The following DMD variants were observed in gnomAD, a reference collection of about 807,000 sequenced individuals.
The protein encoded by DMD is dystrophin.
Under a neutral mutation model 330.1 loss-of-function variants are expected in DMD, and 63 were observed. That is an observed-to-expected ratio of 0.19 (90% CI 0.16 to 0.24). DMD has a LOEUF of 0.24. DMD is among the 10% of genes least tolerant of loss of function. The probability of loss-of-function intolerance (pLI) is 1.00; values close to 1 mark genes in which losing one functional copy is unlikely to be tolerated. For missense variants in DMD, 3,344 were observed against 2,684.1 expected (o/e 1.25, Z -5.43); for synonymous variants, 1,223 against 959.8 (o/e 1.27, Z -5.07).
intron 2 of DMD, among the ~76,000 whole-genome samples, chrX:32,876,058 A>G (rs1023932837): frequency 1.8e-5 from 2 of 111,760 alleles, no homozygotes; most frequent in Admixed American, 1.9e-4. Flanking sequence ...AGATCCAGAC[A>G]TATTTTCCGG....
At chrX:32,925,541 G>T (rs1170744229) in intron 2 of DMD, among the ~76,000 whole-genome samples, 1 of 110,949 alleles carries the variant, frequency 9.0e-6, no homozygotes, top group Non-Finnish European at 1.9e-5. Flanking sequence ...TGAACTACAT[G>T]AAACTGTCAC....
chrX:33,010,234 A>ATGTGTGTATATG (rs2093667103), intron 2 of DMD, among the ~76,000 whole-genome samples: 1 of 96,781 alleles, frequency 1.0e-5, no homozygotes, highest in African/African-American at 3.6e-5. Flanking sequence ...GTGTGTATAT[A>ATGTGTGTATATG]TGTACATATG....
intron 62 of DMD, among the ~76,000 whole-genome samples, chrX:31,315,092 A>G (rs1001534601): frequency 8.9e-6 from 1 of 112,231 alleles, no homozygotes; most frequent in Non-Finnish European, 1.9e-5. Context: ...ATAAGAAGCA[A>G]TTAGAGAAGC....
chrX:32,766,429 T>C (rs1569514331), intron 7 of DMD, among the ~76,000 whole-genome samples: 1 of 111,743 alleles, frequency 8.9e-6, no homozygotes, highest in Non-Finnish European at 1.9e-5. Context: ...TCTTGGTTAA[T>C]TCCTAAGTAT....
At chrX:33,057,141 G>A (rs1187233915) in intron 1 of DMD, among the ~76,000 whole-genome samples, 1 of 111,597 alleles carries the variant, frequency 9.0e-6, no homozygotes, top group East Asian at 2.8e-4. Context: ...ATAAGCCATG[G>A]CTTTATTCAG....
chrX:33,287,954 T>C (rs942230459), intron 1 of DMD, among the ~76,000 whole-genome samples: 1 of 111,604 alleles, frequency 9.0e-6, no homozygotes, highest in Non-Finnish European at 1.9e-5. Context: ...CTTTCCTTCA[T>C]AAGTGCCACT....
intron 62 of DMD, among the ~76,000 whole-genome samples, chrX:31,321,974 T>C (rs1357748909): frequency 2.7e-5 from 3 of 111,603 alleles, no homozygotes; most frequent in Non-Finnish European, 5.6e-5. Context: ...GATGAATATA[T>C]AGGGAAAGGA....
chrX:31,728,526 G>A (rs2086254750), intron 52 of DMD, among the ~76,000 whole-genome samples: 1 of 111,843 alleles, frequency 8.9e-6, no homozygotes, highest in African/African-American at 3.3e-5. Context: ...GTGGAAGTAT[G>A]ACTAATAATA....
rs753994663 is a variant in DMD at position 33,124,530 on chromosome X, CCT to C, written c.31+86750_31+86751del. On this transcript the variant is annotated intron_variant, in intron 1 of 78. Coordinates refer to ENST00000357033, the MANE Select transcript of DMD (RefSeq NM_004006.3). The stretch of plus-strand genomic sequence containing the variant: ...AAAAAACCGAAAGAAATAAAAATAC[CCT>C]GTCTTTATTTTCTTCCTTGGCAAAA... 5.1e-5 allele frequency among the ~76,000 whole-genome samples: 5 copies of C among 98,311 alleles called. No individual in the cohort carries two copies. In the East Asian group the frequency reaches 1.6e-3, roughly 31 times the overall value. 85.4% of individuals were successfully genotyped at this position (98,311 alleles called of 115,157 possible).
At chrX:31,817,125 C>A (rs777498541) in intron 50 of DMD, among the ~76,000 whole-genome samples, 5 of 111,410 alleles carry the variant, frequency 4.5e-5, no homozygotes, top group African/African-American at 1.6e-4. Flanking sequence ...TCTATATGTT[C>A]TTTGCAGTTA....
chrX:32,565,148 G>A (rs914499220), intron 16 of DMD, among the ~76,000 whole-genome samples: 19 of 110,906 alleles, frequency 1.7e-4, no homozygotes, highest in Non-Finnish European at 3.6e-4. Context: ...TCTACAGCCC[G>A]TATGTGTTAG....
chrX:32,665,047 T>TA (rs2061216853), intron 9 of DMD, among the ~76,000 whole-genome samples: 1 of 112,336 alleles, frequency 8.9e-6, no homozygotes, highest in Non-Finnish European at 1.9e-5. Flanking sequence ...CTACATTTAC[T>TA]TAAGTTACTT....
intron 55 of DMD, among the ~76,000 whole-genome samples, chrX:31,569,481 G>A (rs1432365819): frequency 9.4e-6 from 1 of 106,597 alleles, no homozygotes; most frequent in African/African-American, 3.4e-5. Context: ...CTCATGGAAC[G>A]CAATAGATTC....
chrX:33,128,200 T>C, intron 1 of DMD: 1 of 1,199,321 alleles, frequency 8.3e-7, no homozygotes, highest in Non-Finnish European at 1.1e-6. Context: ...CACACCTTCA[T>C]AGGAAAGCTT....
chrX:32,434,903 G>A (rs932974833), intron 29 of DMD, among the ~76,000 whole-genome samples: 2 of 111,194 alleles, frequency 1.8e-5, no homozygotes, highest in Non-Finnish European at 3.8e-5. Context: ...CATGAAAGCC[G>A]TAAAAACTAA....
intron 29 of DMD, among the ~76,000 whole-genome samples, chrX:32,416,607 C>T (rs953189583): frequency 2.7e-5 from 3 of 111,788 alleles, no homozygotes; most frequent in African/African-American, 9.8e-5. Flanking sequence ...GAAGTTTCTG[C>T]TTAGGGTAGT....
intron 2 of DMD, among the ~76,000 whole-genome samples, chrX:32,968,845 T>C (rs892287536): frequency 2.8e-5 from 3 of 106,853 alleles, no homozygotes; most frequent in Non-Finnish European, 5.8e-5. Context: ...CTGGCCAAAA[T>C]GGTGAAACCC....
chrX:32,616,690 CTTTTTTTTTTTTTT>C (rs1173392895), intron 11 of DMD, among the ~76,000 whole-genome samples: 10 of 60,222 alleles, frequency 1.7e-4, no homozygotes, highest in Non-Finnish European at 2.6e-4. Flanking sequence ...GTTCTGGTTC[CTTTTTTTTTTTTTT>C]TTTTTTTTTT....
At chrX:32,497,776 A>G (rs897159651) in intron 19 of DMD, among the ~76,000 whole-genome samples, 1 of 111,469 alleles carries the variant, frequency 9.0e-6, no homozygotes, top group Non-Finnish European at 1.9e-5. Flanking sequence ...TATGTATATT[A>G]TTTTAGCCCT....
Sources: allele counts gnomAD v4.1 joint callset (sites outside exome capture counted in the v4.1 genomes callset), GRCh38; gene constraint gnomAD v4.1.1; transcripts MANE v1.5; gene names NCBI Gene and HGNC (gene_info 2026-07-23, HGNC 2026-07-21).